EEF2K: variants seen among roughly 807,000 people sequenced by gnomAD.
EEF2K encodes the protein alternative protein EEF2K.
EEF2K carries 70 observed loss-of-function variants against 93.8 expected under a neutral mutation model. That is an observed-to-expected ratio of 0.75 (90% confidence interval 0.62 to 0.91). The LOEUF (loss-of-function observed/expected upper bound fraction) is 0.91. Among genes scored for constraint, EEF2K ranks in the 40% least tolerant of loss-of-function variants. EEF2K has a pLI of 0.00. For missense variants in EEF2K, 935 were observed against 972.9 expected (o/e 0.96, Z 0.52); for synonymous variants, 376 against 380.8 (o/e 0.99, Z 0.15).
At chr16:22,217,608 A>G (rs959811656) in intron 1 of EEF2K, among the ~76,000 whole-genome samples, 8 of 151,976 alleles carry the variant, frequency 5.3e-5, no homozygotes, top group Non-Finnish European at 1.2e-4. Flanking sequence ...TCGTGCCACC[A>G]TGCCCCGCTA....
intron 10 of EEF2K, among the ~76,000 whole-genome samples, chr16:22,259,292 T>C (rs2047439967): frequency 1.3e-5 from 2 of 152,224 alleles, no homozygotes; most frequent in Admixed American, 1.3e-4. Flanking sequence ...CTGGAGGTCA[T>C]GTATTCAGGG....
intron 10 of EEF2K, among the ~76,000 whole-genome samples, chr16:22,259,828 T>C (rs540208146): frequency 2.6e-5 from 4 of 152,096 alleles, no homozygotes; most frequent in Non-Finnish European, 5.9e-5. Context: ...TCTTGGCTCA[T>C]TGCAATCTCT....
chr16:22,248,190 G>A (rs919910435), intron 3 of EEF2K, among the ~76,000 whole-genome samples: 1 of 151,962 alleles, frequency 6.6e-6, no homozygotes, highest in South Asian at 2.1e-4. Context: ...TCAGCCTCCT[G>A]AGTAGCTGGG....
In EEF2K at chr16:22,252,941, C is replaced by T. The variant is rs148729956; in HGVS notation, c.618+1619C>T. Among the ~76,000 whole-genome samples, 386 of 152,234 alleles carry T rather than the reference C, an allele frequency of 2.5e-3. 1 individual carries two copies. The highest frequency in any genetic ancestry group is 4.1e-3 in the Non-Finnish European group (279 of 68,012). ...AACCACCCCCATGATTCAATTATCT[C>T]CTACCAGGTCCCTCCCACAACACGT... On this transcript the variant is annotated intron_variant, in intron 6 of 17. Coordinates refer to ENST00000263026, the MANE Select transcript of EEF2K (RefSeq NM_013302.5).
Position 22,251,281 on chromosome 16 carries a change from C to G in EEF2K, c.577C>G (p.Leu193Val), listed in dbSNP as rs763742980. 6.8e-6 allele frequency: 11 copies of G among 1,614,164 alleles called. No individual in the cohort carries two copies. The South Asian group carries it at 1.1e-4, about 16-fold the overall frequency. Reference sequence around the variant, plus strand: ...CGTGCGTCTACAGATGGAGGCCAAGCTCTGGGGGGAGGAGTATAATCGGCA... The same window carrying G: ...CGTGCGTCTACAGATGGAGGCCAAGGTCTGGGGGGAGGAGTATAATCGGCA... The part of the protein sequence containing the change: ...EDVRLQMEAK[L>V]WGEEYNRHKP... The change falls in exon 6 of 18, where the codon CTC becomes GTC. Residue 193 changes from leucine to valine, a missense_variant. Physicochemically the swap from Leu to Val is conservative, Grantham distance 32 (BLOSUM62 1). Transcript: ENST00000263026.
Position 22,258,626 on chromosome 16 carries a change from G to A in EEF2K, c.1162G>A (p.Val388Met), listed in dbSNP as rs749489869. The A allele has an allele frequency of 8.7e-6, 14 of 1,614,146 alleles. No homozygotes were observed. Among genetic ancestry groups the A allele is most frequent in the Middle Eastern group, 1.6e-4 (1 of 6,062 alleles). The change falls in exon 10 of 18, where the codon GTG (valine) becomes ATG (methionine). Residue 388 changes from valine to methionine, a missense_variant. Val to Met is a conservative substitution (Grantham distance 21). Coordinates refer to ENST00000263026, the MANE Select transcript of EEF2K (RefSeq NM_013302.5). ...CTCTGGAGACGAGAACATGAGCGAC[G>A]TGACCTTCGACTCTCTCCCTTCTTC... ...ENSGDENMSD[V>M]TFDSLPSSPS...
At chr16:22,237,349 C>G (rs1567269451) in intron 2 of EEF2K, among the ~76,000 whole-genome samples, 1 of 151,966 alleles carries the variant, frequency 6.6e-6, no homozygotes, top group Non-Finnish European at 1.5e-5. Context: ...TAAGAATCAT[C>G]TAACCTGGCC....
chr16:22,221,299 C>G (rs2047009059), intron 1 of EEF2K, among the ~76,000 whole-genome samples: 1 of 151,888 alleles, frequency 6.6e-6, no homozygotes, highest in African/African-American at 2.4e-5. Flanking sequence ...CCAGCCTGGC[C>G]AACATAGTGA....
At chr16:22,257,853 A>G in intron 9 of EEF2K, 83 bp downstream of exon 9, 2 of 1,557,036 alleles carry the variant, frequency 1.3e-6, no homozygotes, top group Non-Finnish European at 1.7e-6. Flanking sequence ...GTGTGGTGAC[A>G]GCCAGGTCAA....
intron 12 of EEF2K, among the ~76,000 whole-genome samples, 174 bp from the exon 13 acceptor site, chr16:22,264,644 C>G (rs1446126955): frequency 6.6e-6 from 1 of 152,142 alleles, no homozygotes; most frequent in Non-Finnish European, 1.5e-5. Flanking sequence ...ATCCCTTCTG[C>G]TTGGCAGAGA....
chr16:22,285,603 G>A lies in EEF2K; in HGVS notation c.*1607G>A, dbSNP rs2047746474. ...GAGGGCCAAGGTGGGAGGATTGCTTGAGCTCAGGACTTCAAGACCAGCCTG... is the reference window on the plus strand; with the variant it reads ...GAGGGCCAAGGTGGGAGGATTGCTTAAGCTCAGGACTTCAAGACCAGCCTG... On this transcript the variant is annotated 3_prime_UTR_variant, in exon 18 of 18. Coordinates refer to ENST00000263026, the MANE Select transcript of EEF2K (RefSeq NM_013302.5). 1 of 152,286 alleles carries A rather than the reference G, an allele frequency of 6.6e-6. No homozygotes were observed. The allele number at this position is 152,286 out of a possible 1,614,324, so 9.4% of individuals were successfully genotyped here. A position where few individuals can be genotyped will look rare whatever the true frequency, so the allele number is the denominator to read the frequency against.
intron 2 of EEF2K, among the ~76,000 whole-genome samples, chr16:22,227,991 A>G (rs933240741): frequency 6.7e-6 from 1 of 150,250 alleles, no homozygotes; most frequent in African/African-American, 2.4e-5. Flanking sequence ...ACAGCTATGA[A>G]GGATAAACCA....
intron 11 of EEF2K, among the ~76,000 whole-genome samples, chr16:22,262,225 A>G (rs1292709370): frequency 2.6e-5 from 4 of 151,990 alleles, no homozygotes; most frequent in Non-Finnish European, 5.9e-5. Flanking sequence ...AAATATGCCC[A>G]ACTAGGCCAG....
chr16:22,255,889 G>A (rs146980107), intron 6 of EEF2K, among the ~76,000 whole-genome samples: 8 of 151,690 alleles, frequency 5.3e-5, no homozygotes, highest in Non-Finnish European at 7.4e-5. Flanking sequence ...CAGCCTGGGC[G>A]ACAGAGTGAG....
chr16:22,279,698 C>T (rs560240179), intron 16 of EEF2K, among the ~76,000 whole-genome samples: 1 of 152,074 alleles, frequency 6.6e-6, no homozygotes, highest in East Asian at 1.9e-4. Flanking sequence ...GTCAACTGCT[C>T]TCTTAATAAA....
At chr16:22,283,040 G>A (rs1341097074) in intron 17 of EEF2K, among the ~76,000 whole-genome samples, 6 of 152,154 alleles carry the variant, frequency 3.9e-5, no homozygotes, top group Non-Finnish European at 7.3e-5. Flanking sequence ...GCTGGGCAGT[G>A]GCTCGCGCCT....
At chr16:22,207,114 A>G (rs1342238420) in intron 1 of EEF2K, among the ~76,000 whole-genome samples, 3 of 152,178 alleles carry the variant, frequency 2.0e-5, no homozygotes, top group African/African-American at 7.2e-5. Context: ...CCAGGACTGT[A>G]TAGACGCGCC....
chr16:22,260,645 A>G (rs1395510830), intron 11 of EEF2K, 116 bp downstream of exon 11: 2 of 1,259,614 alleles, frequency 1.6e-6, no homozygotes, highest in African/African-American at 2.9e-5. Flanking sequence ...AGGCACTGCC[A>G]GGAGGGCACA....
chr16:22,270,348 C>T (rs553381477), intron 15 of EEF2K, among the ~76,000 whole-genome samples: 7 of 152,056 alleles, frequency 4.6e-5, no homozygotes, highest in Admixed American at 3.9e-4. Flanking sequence ...TGGTCTCGAA[C>T]TCCTGACCTC....
Sources: gnomAD v4.1 joint callset for allele counts (sites outside exome capture counted in the v4.1 genomes callset) on GRCh38, gnomAD v4.1.1 for gene constraint, MANE v1.5 for transcripts, NCBI Gene and HGNC (gene_info 2026-07-23, HGNC 2026-07-21) for gene names.